UQCRC2: variants seen among roughly 807,000 people sequenced by gnomAD.
The protein encoded by UQCRC2 is ubiquinol-cytochrome c reductase core protein 2.
In UQCRC2, 49 loss-of-function variants were observed where a neutral mutation model predicts 55.6. The observed-to-expected ratio is 0.88, with a 90% CI of 0.70 to 1.12. The LOEUF (loss-of-function observed/expected upper bound fraction) is 1.12. Ranked by LOEUF, UQCRC2 falls within the 50% of genes most tolerant of loss-of-function variation. The probability of loss-of-function intolerance (pLI) is 0.00; values close to 1 mark genes in which losing one functional copy is unlikely to be tolerated. For missense variants in UQCRC2, 506 were observed against 547.8 expected (o/e 0.92, Z 0.76); for synonymous variants, 193 against 192.0 (o/e 1.01, Z -0.04).
At position 21,971,580 on chromosome 16, in the gene UQCRC2, T is replaced by TG; in HGVS notation, c.729dup (p.Leu244AlafsTer14). The stretch of plus-strand genomic sequence containing the variant: ...CTGAACAGTTTCTCAACATGAGGGG[T>TG]GGGCTTGGTTTATCTGGTGCAAAGG... On this transcript the variant is annotated frameshift_variant, in exon 9 of 14. Transcript: ENST00000268379. LOFTEE classifies it high-confidence loss of function. 7 of 1,614,062 alleles carry TG rather than the reference T, an allele frequency of 4.3e-6. No homozygotes were observed. Among genetic ancestry groups the TG allele is most frequent in the Non-Finnish European group, 5.9e-6 (7 of 1,179,974 alleles).
chr16:21,958,294 A>G (rs905279136), intron 3 of UQCRC2, among the ~76,000 whole-genome samples: 2 of 152,250 alleles, frequency 1.3e-5, no homozygotes, highest in African/African-American at 4.8e-5. Flanking sequence ...CTCTTTCAGA[A>G]TAGACTAATG....
At chr16:21,960,511 T>G (rs1429955828) in intron 4 of UQCRC2, among the ~76,000 whole-genome samples, 2 of 152,208 alleles carry the variant, frequency 1.3e-5, no homozygotes, top group Admixed American at 1.3e-4. Flanking sequence ...TTCATATCAT[T>G]TATGTGTTCA....
rs905048381 is a variant in UQCRC2 at position 21,965,360 on chromosome 16, C to T, written c.515-48C>T. The T allele has an allele frequency of 3.2e-6, 5 of 1,571,856 alleles. No homozygotes were observed. The South Asian group carries it at 5.6e-5, about 17-fold the overall frequency. On this transcript the variant is annotated intron_variant, in intron 6 of 13. Coordinates refer to ENST00000268379, the MANE Select transcript of UQCRC2 (RefSeq NM_003366.4). ...GCTTTCTAGGTTTTAAAAATGTTGT[C>T]TTTACTGAAAGTGCATTTCCCTAAA... is the stretch of plus-strand genomic sequence containing the variant.
intron 3 of UQCRC2, 110 bp from the exon 4 acceptor site, chr16:21,958,425 A>ATCCTT: frequency 1.1e-6 from 1 of 940,010 alleles, no homozygotes; most frequent in Non-Finnish European, 1.7e-6. Context: ...GGATGCAGGA[A>ATCCTT]TTTAGTAAAA....
intron 10 of UQCRC2, among the ~76,000 whole-genome samples, chr16:21,972,369 A>T (rs1898483799): frequency 6.6e-6 from 1 of 152,194 alleles, no homozygotes; most frequent in South Asian, 2.1e-4. Flanking sequence ...AATAAAGGGA[A>T]TCCACACATC....
chr16:21,962,516 T>TGTAA lies in UQCRC2; in HGVS notation c.389+4_389+7dup. 1 of 1,614,204 alleles carries TGTAA rather than the reference T, an allele frequency of 6.2e-7. No homozygotes were observed. Among genetic ancestry groups the TGTAA allele is most frequent in the Non-Finnish European group, 8.5e-7 (1 of 1,180,026 alleles). On this transcript the variant is annotated stop_gained and frameshift_variant and splice_region_variant. Transcript: ENST00000268379. LOFTEE classifies it high-confidence loss of function. ...ACTGTGGAATGCCTGCGGGGTGATG[T>TGTAA]GTAAGTACCTGTGTGTGTTTAGGAC...
chr16:21,968,654 C>T lies in UQCRC2; in HGVS notation c.639C>T (p.Phe213=). 1 of 1,609,356 alleles carries T rather than the reference C, an allele frequency of 6.2e-7. No individual in the cohort carries two copies. Among genetic ancestry groups the T allele is most frequent in the Non-Finnish European group, 8.5e-7 (1 of 1,177,600 alleles). The change falls in exon 8 of 14, where the codon TTC becomes TTT. Residue 213 remains phenylalanine (F), a synonymous_variant. Transcript: ENST00000268379. The stretch of plus-strand genomic sequence containing the variant: ...TACATTACTTCGTTCAGAACCATTT[C>T]ACAAGTGCAAGAATGGCTTTGATTG... ...EELHYFVQNH[F]TSARMALIGL... is the part of the protein sequence containing the mutation.
At chr16:21,965,546 A>G in intron 7 of UQCRC2, 41 bp downstream of exon 7, 1 of 1,449,108 alleles carries the variant, frequency 6.9e-7, no homozygotes, top group East Asian at 2.6e-5. Context: ...TGTTTTTCAC[A>G]TTAAATTGAA....
intron 6 of UQCRC2, chr16:21,963,103 C>A: frequency 5.0e-6 from 2 of 401,256 alleles, no homozygotes; most frequent in Non-Finnish European, 8.7e-6. Context: ...ATTCTCCTGC[C>A]TCAGCCTCCT....
rs1290444221 is a variant in UQCRC2, at chr16:21,969,193, G to A, written c.670+508G>A. The stretch of plus-strand genomic sequence containing the variant: ...AGGCACTCTCACAAATTGTTAGTAG[G>A]AATATAAACTAGTACAACATTTTGG... On this transcript the variant is annotated intron_variant, in intron 8 of 13. Coordinates refer to ENST00000268379, the MANE Select transcript of UQCRC2 (RefSeq NM_003366.4). 2.0e-5 allele frequency among the ~76,000 whole-genome samples: 3 copies of A among 152,128 alleles called. No homozygotes were observed. The East Asian group carries it at 5.8e-4, about 29-fold the overall frequency.
At chr16:21,960,468 ACT>A (rs928340922) in intron 4 of UQCRC2, among the ~76,000 whole-genome samples, 3 of 151,964 alleles carry the variant, frequency 2.0e-5, no homozygotes, top group Admixed American at 1.3e-4. Flanking sequence ...GACCAGTAAA[ACT>A]CTGTATTATC....
intron 12 of UQCRC2, among the ~76,000 whole-genome samples, chr16:21,978,675 G>C (rs111564594): frequency 6.6e-6 from 1 of 152,148 alleles, no homozygotes; most frequent in Non-Finnish European, 1.5e-5. Flanking sequence ...GTATAATTTC[G>C]TACTGACAGC....
At chr16:21,955,014 C>A (rs1189645663) in intron 1 of UQCRC2, among the ~76,000 whole-genome samples, 1 of 142,706 alleles carries the variant, frequency 7.0e-6, no homozygotes, top group African/African-American at 2.6e-5. Context: ...GAGATCGCAC[C>A]GCTGCACTCC....
intron 2 of UQCRC2, 34 bp downstream of exon 2, chr16:21,957,352 A>G (rs1898104028): frequency 1.2e-6 from 2 of 1,613,970 alleles, no homozygotes; most frequent in South Asian, 1.1e-5. Context: ...TGGAAGCTAT[A>G]CATGCCTTAC....
At chr16:21,970,249 TAAAC>T (rs1264165381) in intron 8 of UQCRC2, among the ~76,000 whole-genome samples, 1 of 152,242 alleles carries the variant, frequency 6.6e-6, no homozygotes, top group Non-Finnish European at 1.5e-5. Flanking sequence ...GTCGTAAATA[TAAAC>T]ATTCACGTGT....
rs1459017187 is a variant in UQCRC2 at position 21,957,317 on chromosome 16, A to C, written c.116A>C (p.Glu39Ala). The part of the protein sequence containing the change: ...AGAPPQPQDL[E>A]FTKLPNGLVI... The stretch of plus-strand genomic sequence containing the variant: ...GCACCGCCACAACCTCAGGACCTTG[A>C]GGTTAGTCCCACTAACTTGCTCGCT... Residue 39 changes from glutamate to alanine, a missense_variant and splice_region_variant, in exon 2 of 14, where the codon GAG becomes GCG. Glu to Ala is a moderately radical substitution (Grantham distance 107). Transcript: ENST00000268379. 1 of 1,613,928 alleles carries C rather than the reference A, an allele frequency of 6.2e-7. No homozygotes were observed. The highest frequency in any genetic ancestry group is 1.3e-5 in the African/African-American group (1 of 74,888).
chr16:21,960,533 C>T (rs1399422868), intron 4 of UQCRC2, among the ~76,000 whole-genome samples: 1 of 152,176 alleles, frequency 6.6e-6, no homozygotes, highest in Non-Finnish European at 1.5e-5. Context: ...TGGAGTAGCA[C>T]TATTAGTTTT....
chr16:21,975,776 A>T (rs183678868), intron 11 of UQCRC2, among the ~76,000 whole-genome samples: 2 of 152,272 alleles, frequency 1.3e-5, no homozygotes, highest in East Asian at 3.9e-4. Context: ...AAAGGTGCTT[A>T]TTCTTTATGG....
chr16:21,979,398 G>A (rs547910721), intron 12 of UQCRC2, among the ~76,000 whole-genome samples: 3 of 152,182 alleles, frequency 2.0e-5, no homozygotes, highest in Admixed American at 6.5e-5. Flanking sequence ...GTGGTGTTAG[G>A]TGGTTTCATC....
Sources: gnomAD v4.1 joint callset for allele counts (sites outside exome capture counted in the v4.1 genomes callset) on GRCh38, gnomAD v4.1.1 for gene constraint, MANE v1.5 for transcripts, NCBI Gene and HGNC (gene_info 2026-07-23, HGNC 2026-07-21) for gene names.